The following CDH4 variants were observed in gnomAD, a reference collection of about 807,000 sequenced individuals.
The protein encoded by CDH4 is cadherin 4.
A neutral mutation model predicts 86.0 loss-of-function variants in CDH4; 33 were observed. The ratio of observed to expected loss-of-function variants is 0.38; its 90% CI spans 0.29 to 0.51. The LOEUF (loss-of-function observed/expected upper bound fraction) is 0.51. Ranked by LOEUF, CDH4 falls within the 20% of genes least tolerant of loss-of-function variation. The pLI, the probability that CDH4 is intolerant of heterozygous loss-of-function variation, is 0.86. For missense variants in CDH4, 1,114 were observed against 1,307.4 expected, an observed-to-expected ratio of 0.85 and a Z score of 2.28; for synonymous variants, 555 against 549.4, an observed-to-expected ratio of 1.01 and a Z score of -0.14.
chr20:61,383,425 TATATATC>T (rs1170580591), intron 2 of CDH4, among the ~76,000 whole-genome samples: 1 of 55,836 alleles, frequency 1.8e-5, no homozygotes, highest in Non-Finnish European at 3.7e-5. Context: ...ATATATATGA[TATATATC>T]ATATATGAAT....
At chr20:61,569,584 T>C (rs2086326711) in intron 2 of CDH4, among the ~76,000 whole-genome samples, 1 of 152,234 alleles carries the variant, frequency 6.6e-6, no homozygotes, top group African/African-American at 2.4e-5. Context: ...GAATGGGATA[T>C]ACTTTAACTA....
intron 5 of CDH4, among the ~76,000 whole-genome samples, chr20:61,845,319 A>G (rs1378628399): frequency 6.6e-6 from 1 of 152,254 alleles, no homozygotes; most frequent in Non-Finnish European, 1.5e-5. Context: ...TCGCGGCAGA[A>G]AGAGCCTCTG....
intron 2 of CDH4, chr20:61,499,521 G>C (rs1006980732): frequency 7.8e-7 from 1 of 1,288,736 alleles, no homozygotes; most frequent in African/African-American, 1.5e-5. Context: ...GGGGGGCTTA[G>C]GGTTGTTTGT....
At chr20:61,266,582 G>A (rs909072403) in intron 2 of CDH4, among the ~76,000 whole-genome samples, 2 of 151,864 alleles carry the variant, frequency 1.3e-5, no homozygotes, top group African/African-American at 4.8e-5. Flanking sequence ...AAGGTCCAAG[G>A]AGAAACGCAG....
chr20:61,731,375 C>T (rs2088184163), intron 2 of CDH4, among the ~76,000 whole-genome samples: 1 of 152,204 alleles, frequency 6.6e-6, no homozygotes, highest in Non-Finnish European at 1.5e-5. Context: ...GTTCTGAGCA[C>T]AGCCCTGCAG....
At chr20:61,408,489 T>C (rs1011842210) in intron 2 of CDH4, among the ~76,000 whole-genome samples, 1 of 152,268 alleles carries the variant, frequency 6.6e-6, no homozygotes, top group South Asian at 2.1e-4. Context: ...ACTGTGTGTT[T>C]GTTACACTTG....
At chr20:61,579,695 G>T (rs1304584859) in intron 2 of CDH4, among the ~76,000 whole-genome samples, 1 of 152,032 alleles carries the variant, frequency 6.6e-6, no homozygotes, top group Non-Finnish European at 1.5e-5. Flanking sequence ...ACTCTGCCCC[G>T]ATGCAGAGCA....
intron 3 of CDH4, among the ~76,000 whole-genome samples, chr20:61,770,335 C>A (rs2088759058): frequency 1.3e-5 from 2 of 152,216 alleles, no homozygotes; most frequent in South Asian, 4.1e-4. Context: ...TCAGATGCCT[C>A]CCGGCCAGCT....
At chr20:61,333,003 C>T (rs1348017305) in intron 2 of CDH4, among the ~76,000 whole-genome samples, 1 of 152,228 alleles carries the variant, frequency 6.6e-6, no homozygotes, top group African/African-American at 2.4e-5. Context: ...CACCGCTGGG[C>T]AAAGTCTTTA....
At chr20:61,279,736 C>G (rs994321834) in intron 2 of CDH4, among the ~76,000 whole-genome samples, 1 of 152,144 alleles carries the variant, frequency 6.6e-6, no homozygotes, top group African/African-American at 2.4e-5. Context: ...GTCTGGACCT[C>G]GATGTGCAAG....
In CDH4 at chr20:61,377,716, G is replaced by A. The variant is rs76390792; in HGVS notation, c.169+122779G>A. Among the ~76,000 whole-genome samples, 3,400 of 152,286 alleles carry A rather than the reference G, an allele frequency of 0.022. 103 individuals carry two copies. Among genetic ancestry groups the A allele is most frequent in the African/African-American group, 0.07 (2,913 of 41,534 alleles). On this transcript the variant is annotated intron_variant, in intron 2 of 15. Transcript: ENST00000614565. The surrounding 1 kb of genome is among the most constrained non-coding windows in gnomAD (Gnocchi z 4.0). ...AGGCTGTTAATGTGCCATAACCACT[G>A]GCTCCAAGCAATTCTTCAGTGCTGT... is the stretch of plus-strand genomic sequence containing the variant.
chr20:61,882,120 C>T (rs753610848), intron 7 of CDH4, among the ~76,000 whole-genome samples: 1 of 152,238 alleles, frequency 6.6e-6, no homozygotes, highest in Non-Finnish European at 1.5e-5. Flanking sequence ...GGACTGCTGT[C>T]TTTAAGCCAC....
chr20:61,365,087 A>C (rs1467987898), intron 2 of CDH4, among the ~76,000 whole-genome samples: 1 of 152,196 alleles, frequency 6.6e-6, no homozygotes, highest in Non-Finnish European at 1.5e-5. Context: ...TTTGTCCTCT[A>C]GCCATTTACC....
At chr20:61,856,139 C>T (rs903123135) in intron 6 of CDH4, among the ~76,000 whole-genome samples, 3 of 152,204 alleles carry the variant, frequency 2.0e-5, no homozygotes, top group Non-Finnish European at 4.4e-5. Flanking sequence ...TAGAAGGGTT[C>T]TACACAGTGC....
chr20:61,296,144 G>A (rs1001660543), intron 2 of CDH4, among the ~76,000 whole-genome samples: 11 of 152,148 alleles, frequency 7.2e-5, no homozygotes, highest in African/African-American at 2.7e-4. Flanking sequence ...TCAAGGGTTG[G>A]ATGTGCTGGA....
chr20:61,317,381 C>T (rs956551423), intron 2 of CDH4, among the ~76,000 whole-genome samples: 15 of 152,196 alleles, frequency 9.9e-5, no homozygotes, highest in Admixed American at 7.2e-4. Flanking sequence ...GGCGCCTTTG[C>T]CACTGAGTCT....
intron 2 of CDH4, among the ~76,000 whole-genome samples, chr20:61,472,598 C>T (rs1258752929): frequency 1.3e-5 from 2 of 152,160 alleles, no homozygotes; most frequent in Non-Finnish European, 2.9e-5. Flanking sequence ...TTATAACCCA[C>T]TATTTTAAAC....
chr20:61,754,562 C>T lies in CDH4; in HGVS notation c.396+10773C>T, dbSNP rs1348776442. Reference sequence around the variant, plus strand: ...TGAGGAACGGGTGCCATTCCAAGGGCAGCAGCACACAACAGGTGCAGGCAC... The same window carrying T: ...TGAGGAACGGGTGCCATTCCAAGGGTAGCAGCACACAACAGGTGCAGGCAC... On this transcript the variant is annotated intron_variant, in intron 3 of 15. Transcript: ENST00000614565. The surrounding 1 kb of genome is among the most constrained non-coding windows in gnomAD (Gnocchi z 4.7). Among the ~76,000 whole-genome samples, 1 of 151,562 alleles carries T rather than the reference C, an allele frequency of 6.6e-6. No homozygotes were observed. Among genetic ancestry groups the T allele is most frequent in the East Asian group, 1.9e-4 (1 of 5,184 alleles).
At chr20:61,762,232 A>C (rs546027717) in intron 3 of CDH4, among the ~76,000 whole-genome samples, 1 of 152,214 alleles carries the variant, frequency 6.6e-6, no homozygotes, top group Admixed American at 6.5e-5. Flanking sequence ...GTCACGAGGC[A>C]TGTTGGAAAC....
Sources: allele counts gnomAD v4.1 joint callset (sites outside exome capture counted in the v4.1 genomes callset), GRCh38; gene constraint gnomAD v4.1.1; non-coding constraint Gnocchi (gnomAD v3.1); transcripts MANE v1.5; gene names NCBI Gene and HGNC (gene_info 2026-07-23, HGNC 2026-07-21).